Variants in USP15 observed in about 807,000 individuals in gnomAD.
The protein encoded by USP15 is ubiquitin specific peptidase 15, also known as ubiquitin carboxyl-terminal hydrolase 15.
Under a neutral mutation model 127.1 loss-of-function variants are expected in USP15, and 18 were observed. That is an observed-to-expected ratio of 0.14 (90% CI 0.10 to 0.21). USP15 has a LOEUF of 0.21. Among genes scored for constraint, USP15 ranks in the 10% least tolerant of loss-of-function variants. The probability of loss-of-function intolerance (pLI) is 1.00; values close to 1 mark genes in which losing one functional copy is unlikely to be tolerated. For synonymous variants in USP15, 364 were observed against 393.7 expected (o/e 0.92, Z 0.89); for missense variants, 805 against 1,159.9 (o/e 0.69, Z 4.44).
intron 3 of USP15, among the ~76,000 whole-genome samples, chr12:62,313,560 G>C (rs1431551776): frequency 4.0e-5 from 6 of 151,574 alleles, no homozygotes; most frequent in Non-Finnish European, 8.9e-5. Context: ...AAGAATATTT[G>C]ATTCCTTGTT....
Position 62,358,674 on chromosome 12 carries a change from C to G in USP15, c.915+3199C>G, listed in dbSNP as rs192197275. The stretch of plus-strand genomic sequence containing the variant: ...GAGGTTGCAGTGAGCCAAGATTACA[C>G]CATTACACTCCAGCCTGGGTGACAA... On this transcript the variant is annotated intron_variant, in intron 8 of 21. Coordinates refer to ENST00000280377, the MANE Select transcript of USP15 (RefSeq NM_001252078.2). Among the ~76,000 whole-genome samples the G allele has an allele frequency of 1.6e-3, 248 of 152,152 alleles. 3 individuals are homozygous for G. The highest frequency in any genetic ancestry group is 5.7e-3 in the African/African-American group (238 of 41,530).
chr12:62,375,426 A>G (rs940749955), intron 8 of USP15, among the ~76,000 whole-genome samples: 2 of 152,028 alleles, frequency 1.3e-5, no homozygotes, highest in Admixed American at 1.3e-4. Context: ...TAATCTTTCT[A>G]CTATACAAGT....
chr12:62,289,739 T>TGTGTGTG (rs2063903172), intron 1 of USP15, among the ~76,000 whole-genome samples: 2 of 65,316 alleles, frequency 3.1e-5, no homozygotes, highest in African/African-American at 6.9e-5. Context: ...GTGTGTGTGT[T>TGTGTGTG]TAGACAGCAG....
intron 6 of USP15, among the ~76,000 whole-genome samples, chr12:62,344,063 A>T (rs182605871): frequency 6.6e-6 from 1 of 151,994 alleles, no homozygotes; most frequent in African/African-American, 2.4e-5. Context: ...CCCAAATCTC[A>T]TCTCTTCACA....
At chr12:62,337,360 T>A (rs189451315) in intron 6 of USP15, among the ~76,000 whole-genome samples, 1 of 152,280 alleles carries the variant, frequency 6.6e-6, no homozygotes, top group East Asian at 1.9e-4. Context: ...CAGTTCCACA[T>A]GGCTAGCGAG....
intron 8 of USP15, among the ~76,000 whole-genome samples, chr12:62,379,746 C>T (rs571985633): frequency 3.9e-4 from 59 of 152,178 alleles, no homozygotes; most frequent in African/African-American, 1.4e-3. Context: ...TGTCCTTTGT[C>T]TGACTATTTA....
chr12:62,279,603 A>G (rs1003751728), intron 1 of USP15, among the ~76,000 whole-genome samples: 7 of 152,036 alleles, frequency 4.6e-5, no homozygotes, highest in Non-Finnish European at 8.8e-5. Context: ...AAGAGTTCCA[A>G]TTTCTCCACA....
In USP15 at chr12:62,299,039, G is replaced by A. The variant is rs78444565; in HGVS notation, c.218-3751G>A. Among the ~76,000 whole-genome samples, 1,324 of 152,108 alleles carry A rather than the reference G, an allele frequency of 8.7e-3. 19 individuals are homozygous for A. The highest frequency in any genetic ancestry group is 0.029 in the African/African-American group (1,203 of 41,476). On this transcript the variant is annotated intron_variant, in intron 2 of 21. Coordinates refer to ENST00000280377, the MANE Select transcript of USP15 (RefSeq NM_001252078.2). ...TTCTTTGCTGCCACCCCCCACTCTA[G>A]ACAACTACTAATCTCCTTTGTCTGT...
rs1280139711 is a variant in USP15 at position 62,391,221 on chromosome 12, T to C, written c.2025T>C (p.Asn675=). Residue 675 remains asparagine, a synonymous_variant, in exon 16 of 22, where the codon AAT becomes AAC. Transcript: ENST00000280377. Reference sequence around the variant, plus strand: ...AGGATCAAGAACTTCCCTCAGAGAATGAAAACAGTCAGTCTGAAGATTCAG... The same window carrying C: ...AGGATCAAGAACTTCCCTCAGAGAACGAAAACAGTCAGTCTGAAGATTCAG... The part of the protein sequence containing the change: ...SSQDQELPSE[N]ENSQSEDSVG... 3 of 1,613,592 alleles carry C rather than the reference T, an allele frequency of 1.9e-6. No individual in the cohort carries two copies. Among genetic ancestry groups the C allele is most frequent in the Admixed American group, 1.7e-5 (1 of 59,974 alleles).
intron 8 of USP15, among the ~76,000 whole-genome samples, chr12:62,376,701 A>G (rs1041661395): frequency 4.6e-5 from 7 of 152,204 alleles, no homozygotes; most frequent in African/African-American, 1.7e-4. Context: ...CTCAGTTTTT[A>G]TTAAGAACAA....
chr12:62,361,038 C>G (rs2066297697), intron 8 of USP15, among the ~76,000 whole-genome samples: 1 of 151,818 alleles, frequency 6.6e-6, no homozygotes, highest in Non-Finnish European at 1.5e-5. Flanking sequence ...AATGTTTTTA[C>G]TTTTCCCTTT....
At chr12:62,396,719 T>G (rs575919695) in intron 20 of USP15, among the ~76,000 whole-genome samples, 2 of 152,268 alleles carry the variant, frequency 1.3e-5, no homozygotes, top group African/African-American at 4.8e-5. Flanking sequence ...TCATTAATAT[T>G]TATTCATTTA....
chr12:62,294,807 A>G (rs545996414), intron 2 of USP15, among the ~76,000 whole-genome samples: 111 of 152,184 alleles, frequency 7.3e-4, no homozygotes, highest in Non-Finnish European at 1.2e-3. Flanking sequence ...CAGTCCTTCT[A>G]TATACCTCTT....
chr12:62,364,809 G>A (rs943244086), intron 8 of USP15, among the ~76,000 whole-genome samples: 6 of 152,024 alleles, frequency 3.9e-5, no homozygotes, highest in South Asian at 2.1e-4. Context: ...AGAACATGCA[G>A]TGTTTGATTT....
chr12:62,344,096 C>T (rs1371275707), intron 6 of USP15, among the ~76,000 whole-genome samples: 1 of 152,124 alleles, frequency 6.6e-6, no homozygotes, highest in Non-Finnish European at 1.5e-5. Flanking sequence ...TCATGCCCTC[C>T]CAACAGTCCC....
chr12:62,398,968 C>G (rs1370997621), intron 20 of USP15, among the ~76,000 whole-genome samples: 1 of 152,154 alleles, frequency 6.6e-6, no homozygotes, highest in Non-Finnish European at 1.5e-5. Flanking sequence ...TCTTCTTTCT[C>G]TGTTCCTTTT....
rs201572809 is a variant in USP15 at position 62,355,825 on chromosome 12, CTTTTTTTTTT to C, written c.915+357_915+366del. Among the ~76,000 whole-genome samples the C allele has an allele frequency of 4.0e-5, 5 of 124,404 alleles. 1 individual carries two copies. The South Asian group carries it at 7.9e-4, about 20-fold the overall frequency. The allele number at this position is 124,404 out of a possible 152,430, so 81.6% of individuals were successfully genotyped here. A position where few individuals can be genotyped will look rare whatever the true frequency, so the allele number is the denominator to read the frequency against. Reference sequence around the variant, plus strand: ...TAGAAGTCTGTTGCACTTTTTTTTTCTTTTTTTTTTTTTTTTGTCTTAATGGGAAATTAAA... The same window carrying C: ...TAGAAGTCTGTTGCACTTTTTTTTTCTTTTTTGTCTTAATGGGAAATTAAA... On this transcript the variant is annotated intron_variant, in intron 8 of 21. Coordinates refer to ENST00000280377, the MANE Select transcript of USP15 (RefSeq NM_001252078.2).
chr12:62,326,525 G>C (rs972046373), intron 6 of USP15, among the ~76,000 whole-genome samples: 1 of 146,374 alleles, frequency 6.8e-6, no homozygotes, highest in Non-Finnish European at 1.5e-5. Flanking sequence ...CTCCATTACT[G>C]TAATGTTTCT....
At chr12:62,374,210 G>T (rs887191519) in intron 8 of USP15, among the ~76,000 whole-genome samples, 4 of 151,922 alleles carry the variant, frequency 2.6e-5, no homozygotes, top group African/African-American at 9.7e-5. Context: ...AACAAACTAA[G>T]AATGAATCCC....
Sources: allele counts gnomAD v4.1 joint callset (sites outside exome capture counted in the v4.1 genomes callset), GRCh38; gene constraint gnomAD v4.1.1; transcripts MANE v1.5; gene names NCBI Gene and HGNC (gene_info 2026-07-23, HGNC 2026-07-21).